Variants in PTGS2 observed in about 807,000 individuals in gnomAD.
PTGS2 encodes prostaglandin-endoperoxide synthase 2.
A neutral mutation model predicts 63.8 loss-of-function variants in PTGS2; 14 were observed. That is an observed-to-expected ratio of 0.22 (90% CI 0.14 to 0.34). The LOEUF is 0.34. Among genes scored for constraint, PTGS2 ranks in the 10% least tolerant of loss-of-function variants. The pLI is 1.00. For missense variants in PTGS2, 533 were observed against 738.5 expected (o/e 0.72, Z 3.23); for synonymous variants, 271 against 259.5 (o/e 1.04, Z -0.43).
In PTGS2 at chr1:186,679,322, G is replaced by T. The variant is rs373745396; in HGVS notation, c.169C>A (p.Pro57Thr). Residue 57 changes from proline (P) to threonine (T), a missense_variant and splice_region_variant, in exon 2 of 10, where the codon CCG becomes ACG. Around this residue, in one of 5 missense-constraint regions of PTGS2, gnomAD observed 118 missense variants for 144.6 expected, o/e 0.82. Transcript: ENST00000367468. The stretch of plus-strand genomic sequence containing the variant: ...TGAGGCAACCAAAGGACAAACTTAC[G>T]TGTTGAGCAGTTTTCTCCATAGAAT... ...TGFYGENCSTPEFLTRIKLFL... is the reference protein window; with the variant it reads ...TGFYGENCSTTEFLTRIKLFL... 3 of 1,613,920 alleles carry T rather than the reference G, an allele frequency of 1.9e-6. No homozygotes were observed. Among genetic ancestry groups the T allele is most frequent in the Non-Finnish European group, 2.5e-6 (3 of 1,179,852 alleles).
In PTGS2 at chr1:186,675,357, CT is replaced by C; in HGVS notation, c.1296del (p.Val433TyrfsTer12). 6.2e-7 allele frequency: 1 copy of C among 1,614,120 alleles called. No homozygotes were observed. The highest frequency in any genetic ancestry group is 8.5e-7 in the Non-Finnish European group (1 of 1,180,030). ...CTCTGGTCAATGGAAGCCTGTGATACTTTCTGTACTGCGGGTGGAACATTCC... is the reference window on the plus strand; with the variant it reads ...CTCTGGTCAATGGAAGCCTGTGATACTTCTGTACTGCGGGTGGAACATTCC... Reference protein sequence around the residue: ...GGRNVPPAVQKVSQASIDQSR... With the variant: ...GGRNVPPAVQXVSQASIDQSR... On this transcript the variant is annotated frameshift_variant, in exon 9 of 10. Coordinates refer to ENST00000367468, the MANE Select transcript of PTGS2 (RefSeq NM_000963.4). LOFTEE classifies it high-confidence loss of function.
At chr1:186,675,131 G>C (rs906280258) in intron 9 of PTGS2, 118 bp downstream of exon 9, 3 of 1,313,546 alleles carry the variant, frequency 2.3e-6, no homozygotes, top group African/African-American at 3.0e-5. Context: ...GAGCCGAGAT[G>C]GCGCCACTGC....
Position 186,676,594 on chromosome 1 carries a change from C to G in PTGS2, c.843G>C (p.Val281=), listed in dbSNP as rs762189430. 19 of 1,614,158 alleles carry G rather than the reference C, an allele frequency of 1.2e-5. No individual in the cohort carries two copies. The highest frequency in any genetic ancestry group is 5.0e-5 in the Admixed American group (3 of 60,016). ...FAVGQEVFGL[V]PGLMMYATIW... is the part of the protein sequence containing the mutation. ...TTGTGGCATACATCATCAGACCAGGCACCAGACCAAAGACCTCCTGCCCCA... is the reference window on the plus strand; with the variant it reads ...TTGTGGCATACATCATCAGACCAGGGACCAGACCAAAGACCTCCTGCCCCA... Residue 281 remains valine (V), a synonymous_variant, in exon 7 of 10, where the codon GTG becomes GTC. Coordinates refer to ENST00000367468, the MANE Select transcript of PTGS2 (RefSeq NM_000963.4).
At chr1:186,677,441 T>C (rs2102006461) in intron 5 of PTGS2, among the ~76,000 whole-genome samples, 1 of 150,306 alleles carries the variant, frequency 6.7e-6, no homozygotes, top group African/African-American at 2.4e-5. Context: ...TGTTTATATA[T>C]GTGTGTGCAT....
intron 3 of PTGS2, among the ~76,000 whole-genome samples, chr1:186,678,738 A>G (rs1282076543): frequency 1.3e-5 from 2 of 152,126 alleles, no homozygotes; most frequent in Non-Finnish European, 2.9e-5. Flanking sequence ...TCCAAATCCA[A>G]ATTTATTTTA....
intron 7 of PTGS2, 61 bp from the exon 8 acceptor site, chr1:186,676,245 A>G: frequency 6.8e-7 from 1 of 1,477,614 alleles, no homozygotes; most frequent in South Asian, 1.4e-5. Flanking sequence ...CTTTCAAGCA[A>G]CTGGAATGCA....
chr1:186,678,975 T>A, intron 3 of PTGS2, 83 bp downstream of exon 3: 1 of 1,456,898 alleles, frequency 6.9e-7, no homozygotes, highest in Non-Finnish European at 9.2e-7. Flanking sequence ...CTTGGAAATA[T>A]GTTTTTAGAT....
intron 2 of PTGS2, 24 bp from the exon 3 acceptor site, chr1:186,679,225 G>A (rs200408499): frequency 4.2e-5 from 68 of 1,612,800 alleles, no homozygotes; most frequent in Non-Finnish European, 5.3e-5. Context: ...AAGAAAGGGA[G>A]GGAGAAATTA....
intron 4 of PTGS2, 72 bp from the exon 5 acceptor site, chr1:186,677,902 C>T: frequency 7.1e-7 from 1 of 1,400,004 alleles, no homozygotes; most frequent in Non-Finnish European, 9.8e-7. Flanking sequence ...TGTCAATCTA[C>T]CAAGAATTCT....
At chr1:186,677,579 C>T (rs1007722677) in intron 5 of PTGS2, 70 bp downstream of exon 5, 19 of 1,401,346 alleles carry the variant, frequency 1.4e-5, no homozygotes, top group Non-Finnish European at 1.4e-5. Context: ...CTGTATATCT[C>T]CTTTAATGTT....
chr1:186,675,310 A>G lies in PTGS2; in HGVS notation c.1344T>C (p.Ser448=), dbSNP rs146262134. The G allele has an allele frequency of 1.1e-5, 18 of 1,614,132 alleles. No homozygotes were observed. Among genetic ancestry groups the G allele is most frequent in the Non-Finnish European group, 1.5e-5 (18 of 1,180,040 alleles). ...IDQSRQMKYQ[S]FNEYRKRFML... ...TAAAGCGTTTGCGGTACTCATTAAA[A>G]GACTGGTATTTCATCTGCCTGCTCT... Residue 448 remains serine (S), a synonymous_variant, in exon 9 of 10, where the codon TCT becomes TCC. Transcript: ENST00000367468.
At chr1:186,679,513 T>C (rs1665839425) in intron 1 of PTGS2, 75 bp from the exon 2 acceptor site, 1 of 1,091,500 alleles carries the variant, frequency 9.2e-7, no homozygotes, top group Non-Finnish European at 1.4e-6. Flanking sequence ...TGTTTGACTA[T>C]GAATCAACTT....
rs199626279 is a variant in PTGS2, at chr1:186,672,309, T to C, written c.*2044A>G. ...AAAACATTTTAAAAGGTCAGTCTTATGGCACATTCAGGCTAATGAGACAAT... is the reference window on the plus strand; with the variant it reads ...AAAACATTTTAAAAGGTCAGTCTTACGGCACATTCAGGCTAATGAGACAAT... On this transcript the variant is annotated 3_prime_UTR_variant, in exon 10 of 10. Transcript: ENST00000367468. 2 of 152,148 alleles carry C rather than the reference T, an allele frequency of 1.3e-5. No homozygotes were observed. Among genetic ancestry groups the C allele is most frequent in the Admixed American group, 6.5e-5 (1 of 15,270 alleles). The allele number at this position is 152,148 out of a possible 1,614,324, so 9.4% of individuals were successfully genotyped here.
chr1:186,675,558 T>A, intron 8 of PTGS2, 162 bp from the exon 9 acceptor site: 1 of 828,780 alleles, frequency 1.2e-6, no homozygotes, highest in Non-Finnish European at 1.8e-6. Context: ...GAGCTCTGCT[T>A]AAAATTCAAT....
At chr1:186,676,443 T>C in intron 7 of PTGS2, 24 bp downstream of exon 7, 1 of 1,608,982 alleles carries the variant, frequency 6.2e-7, no homozygotes, top group South Asian at 1.1e-5. Flanking sequence ...AAGAGGGTTT[T>C]ATATAAATCA....
Position 186,679,285 on chromosome 1 carries a change from C to A in PTGS2, c.169+37G>T, listed in dbSNP as rs11567823. On this transcript the variant is annotated intron_variant, in intron 2 of 9. Coordinates refer to ENST00000367468, the MANE Select transcript of PTGS2 (RefSeq NM_000963.4). Reference sequence around the variant, plus strand: ...TCTATACAATGATAACTGTATCCAGCCCCACTCCTAATGAGGCAACCAAAG... The same window carrying A: ...TCTATACAATGATAACTGTATCCAGACCCACTCCTAATGAGGCAACCAAAG... 1,110 of 1,612,562 alleles carry A rather than the reference C, an allele frequency of 6.9e-4. 10 individuals carry two copies. In the African/African-American group the frequency reaches 0.013, roughly 19 times the overall value.
At position 186,679,171 on chromosome 1, in the gene PTGS2, A is replaced by G; in HGVS notation, c.200T>C (p.Leu67Pro). ...PEFLTRIKLF[L>P]KPTPNTVHYI... ...GTGCACTGTGTTTGGAGTGGGTTTC[A>G]GAAATAATTTTATTCTTGTCAAAAA... Residue 67 changes from leucine to proline, a missense_variant, in exon 3 of 10, where the codon CTG (leucine) becomes CCG (proline). Coordinates refer to ENST00000367468, the MANE Select transcript of PTGS2 (RefSeq NM_000963.4). The G allele has an allele frequency of 6.2e-7, 1 of 1,613,358 alleles. No homozygotes were observed. Among genetic ancestry groups the G allele is most frequent in the East Asian group, 2.2e-5 (1 of 44,876 alleles).
At chr1:186,676,795 C>A in intron 6 of PTGS2, 38 bp downstream of exon 6, 1 of 1,600,280 alleles carries the variant, frequency 6.2e-7, no homozygotes, top group Non-Finnish European at 8.5e-7. Context: ...TGGGTATAAG[C>A]GGTAATAACT....
chr1:186,680,341 C>T lies in PTGS2; in HGVS notation c.-51G>A, dbSNP rs200278253. 7.0e-5 allele frequency: 100 copies of T among 1,428,016 alleles called. No homozygotes were observed. Among genetic ancestry groups the T allele is most frequent in the Admixed American group, 2.3e-4 (10 of 44,228 alleles). 88.5% of individuals were successfully genotyped at this position (1,428,016 alleles called of 1,614,324 possible). On this transcript the variant is annotated 5_prime_UTR_variant, in exon 1 of 10. Coordinates refer to ENST00000367468, the MANE Select transcript of PTGS2 (RefSeq NM_000963.4). The stretch of plus-strand genomic sequence containing the variant: ...GGGGGTAGGCTTTGCTGTCTGAGGG[C>T]GTCTGGCTGTGGAGCTGAAGGAGGC...
Sources: allele counts gnomAD v4.1 joint callset (sites outside exome capture counted in the v4.1 genomes callset), GRCh38; gene constraint gnomAD v4.1.1; regional missense constraint gnomAD v4.1.1; transcripts MANE v1.5; gene names NCBI Gene and HGNC (gene_info 2026-07-23, HGNC 2026-07-21).